RARS2: variants seen among roughly 807,000 people sequenced by gnomAD.
RARS2 encodes the protein probable arginine--tRNA ligase, mitochondrial.
A neutral mutation model predicts 88.5 loss-of-function variants in RARS2; 67 were observed. The observed-to-expected ratio is 0.76, with a 90% CI of 0.62 to 0.93. The LOEUF is 0.93. Ranked by LOEUF, RARS2 falls within the 40% of genes least tolerant of loss-of-function variation. The pLI is 0.00. For missense variants in RARS2, 664 were observed against 684.2 expected (o/e 0.97, Z 0.33); for synonymous variants, 239 against 230.3 (o/e 1.04, Z -0.34).
At chr6:87,586,875 GGGTT>G (rs879435574) in intron 1 of RARS2, among the ~76,000 whole-genome samples, 1 of 144,252 alleles carries the variant, frequency 6.9e-6, no homozygotes, top group Non-Finnish European at 1.5e-5. Flanking sequence ...AAAATCTGTG[GGGTT>G]GGTTATTTAT....
chr6:87,570,898 C>A (rs914544598), intron 1 of RARS2, among the ~76,000 whole-genome samples: 1 of 152,104 alleles, frequency 6.6e-6, no homozygotes, highest in African/African-American at 2.4e-5. Flanking sequence ...CTTAATTTTT[C>A]TTTGCAACAA....
chr6:87,528,667 T>C (rs982926170), intron 10 of RARS2, among the ~76,000 whole-genome samples: 1 of 152,194 alleles, frequency 6.6e-6, no homozygotes, highest in Non-Finnish European at 1.5e-5. Flanking sequence ...TAGTCTCACA[T>C]GTGGAATCTA....
intron 4 of RARS2, among the ~76,000 whole-genome samples, chr6:87,556,154 A>T (rs1160491508): frequency 1.3e-5 from 2 of 152,238 alleles, no homozygotes; most frequent in Admixed American, 1.3e-4. Flanking sequence ...GAAATCCCAC[A>T]GAAACTTCCC....
chr6:87,516,953 T>C, intron 17 of RARS2, 73 bp from the exon 18 acceptor site: 2 of 1,595,754 alleles, frequency 1.3e-6, no homozygotes, highest in East Asian at 2.3e-5. Context: ...ATTAAAAGAT[T>C]GTGAATATAA....
chr6:87,575,273 A>ACC (rs1562252078), intron 1 of RARS2, among the ~76,000 whole-genome samples: 3 of 141,748 alleles, frequency 2.1e-5, no homozygotes, highest in Non-Finnish European at 4.6e-5. Context: ...ACACACACAC[A>ACC]CACACCTTGG....
chr6:87,518,670 T>C lies in RARS2; in HGVS notation c.1375A>G (p.Thr459Ala). ...WDRVFQSRGDTGVFLQYTHAR... is the reference protein window; with the variant it reads ...WDRVFQSRGDAGVFLQYTHAR... ...TGTGTGTACTGTAGGAAGACTCCTG[T>C]GTCCCCGCGACTCTGGAAAACACGA... is the stretch of plus-strand genomic sequence containing the variant. Residue 459 changes from threonine (T) to alanine (A), a missense_variant, in exon 16 of 20, where the codon ACA (threonine) becomes GCA (alanine). Thr to Ala is a moderately conservative substitution (Grantham distance 58). Transcript: ENST00000369536. 1 of 1,614,030 alleles carries C rather than the reference T, an allele frequency of 6.2e-7. No homozygotes were observed. Among genetic ancestry groups the C allele is most frequent in the Non-Finnish European group, 8.5e-7 (1 of 1,179,978 alleles).
At chr6:87,534,244 T>TA (rs1448285212) in intron 8 of RARS2, among the ~76,000 whole-genome samples, 4 of 152,140 alleles carry the variant, frequency 2.6e-5, no homozygotes, top group South Asian at 2.1e-4. Flanking sequence ...ATGTGGTAGG[T>TA]AAAAAAATAA....
intron 4 of RARS2, among the ~76,000 whole-genome samples, chr6:87,557,980 A>T (rs1322228989): frequency 6.6e-6 from 1 of 152,158 alleles, no homozygotes; most frequent in Non-Finnish European, 1.5e-5. Context: ...GTTCAAGACC[A>T]GCCTGACCAA....
At chr6:87,524,489 G>A (rs1357592861) in intron 11 of RARS2, 68 bp downstream of exon 11, 4 of 1,194,030 alleles carry the variant, frequency 3.4e-6, no homozygotes, top group African/African-American at 1.5e-5. Flanking sequence ...ATAATTAATT[G>A]TACATAGTGT....
At chr6:87,569,707 C>T in intron 1 of RARS2, 117 bp from the exon 2 acceptor site, 1 of 812,698 alleles carries the variant, frequency 1.2e-6, no homozygotes, top group Non-Finnish European at 2.1e-6. Context: ...GCTCCAAATG[C>T]ATTCCAAGTG....
At position 87,521,483 on chromosome 6, in the gene RARS2, A is replaced by G. The variant is rs1261525770; in HGVS notation, c.1016T>C (p.Phe339Ser). 6.2e-7 allele frequency: 1 copy of G among 1,611,296 alleles called. No homozygotes were observed. The highest frequency in any genetic ancestry group is 1.1e-5 in the South Asian group (1 of 91,016). Residue 339 changes from phenylalanine (F) to serine (S), a missense_variant, in exon 12 of 20, where the codon TTT becomes TCT. Physicochemically the swap from Phe to Ser is radical, Grantham distance 155. Transcript: ENST00000369536. ...ACTTACCACATATATCATTGTATCA[A>G]AATTATACTTGTCCATTCGATCTAT... The part of the protein sequence containing the change: ...AAIDRMDKYN[F>S]DTMIYVTDKG...
chr6:87,570,540 G>A (rs1040910853), intron 1 of RARS2, among the ~76,000 whole-genome samples: 21 of 151,868 alleles, frequency 1.4e-4, no homozygotes, highest in African/African-American at 4.6e-4. Context: ...TGCCTCAGCC[G>A]CCCAAGTAGC....
chr6:87,514,944 C>G lies in RARS2; in HGVS notation c.1650+13G>C, dbSNP rs1307362362. On this transcript the variant is annotated intron_variant, in intron 19 of 19. Coordinates refer to ENST00000369536, the MANE Select transcript of RARS2 (RefSeq NM_020320.5). ...AGCTAGGGATTATACAGAAAACATT[C>G]AACATAACGTACCCCAGCCACTTCA... is the stretch of plus-strand genomic sequence containing the variant. The G allele has an allele frequency of 6.3e-7, 1 of 1,599,924 alleles. No homozygotes were observed. Among genetic ancestry groups the G allele is most frequent in the Non-Finnish European group, 8.6e-7 (1 of 1,167,154 alleles).
intron 1 of RARS2, among the ~76,000 whole-genome samples, chr6:87,586,910 T>G (rs1251052924): frequency 3.3e-5 from 5 of 151,562 alleles, no homozygotes; most frequent in African/African-American, 1.2e-4. Context: ...ATTTATTTAT[T>G]TATTTATTTA....
intron 1 of RARS2, among the ~76,000 whole-genome samples, chr6:87,583,139 TG>T (rs1252653226): frequency 5.9e-5 from 9 of 152,282 alleles, no homozygotes; most frequent in African/African-American, 2.2e-4. Context: ...TACTCTCAAA[TG>T]ACACAGGAAA....
chr6:87,555,345 G>A, intron 5 of RARS2, 63 bp downstream of exon 5: 2 of 1,248,248 alleles, frequency 1.6e-6, no homozygotes, highest in Admixed American at 1.7e-5. Flanking sequence ...AATAATGATG[G>A]TAATAACACT....
chr6:87,589,248 G>A (rs1776199644), intron 1 of RARS2, among the ~76,000 whole-genome samples: 1 of 152,168 alleles, frequency 6.6e-6, no homozygotes. Context: ...CGGTGGCTCA[G>A]GCCTGTAATC....
At chr6:87,554,946 CA>C (rs1416013911) in intron 5 of RARS2, among the ~76,000 whole-genome samples, 1 of 150,902 alleles carries the variant, frequency 6.6e-6, no homozygotes, top group African/African-American at 2.4e-5. Context: ...ACTAAAAATC[CA>C]AAAAAAATTA....
At chr6:87,574,813 C>T (rs1223402316) in intron 1 of RARS2, among the ~76,000 whole-genome samples, 2 of 151,880 alleles carry the variant, frequency 1.3e-5, no homozygotes, top group African/African-American at 2.4e-5. Context: ...AAATTAGTGA[C>T]CAAACTTTTT....
Sources: allele counts gnomAD v4.1 joint callset (sites outside exome capture counted in the v4.1 genomes callset), GRCh38; gene constraint gnomAD v4.1.1; transcripts MANE v1.5; gene names NCBI Gene and HGNC (gene_info 2026-07-23, HGNC 2026-07-21).